FMNL2: variants seen among roughly 807,000 people sequenced by gnomAD.
The protein encoded by FMNL2 is formin like 2.
In FMNL2, 51 loss-of-function variants were observed where a neutral mutation model predicts 130.2. The observed-to-expected ratio is 0.39, with a 90% CI of 0.31 to 0.49. FMNL2 has a LOEUF of 0.49. FMNL2 is among the 20% of genes least tolerant of loss of function. The pLI, the probability that FMNL2 is intolerant of heterozygous loss-of-function variation, is 0.85. For synonymous variants in FMNL2, 465 were observed against 467.1 expected, an observed-to-expected ratio of 1.00 and a Z score of 0.06; for missense variants, 977 against 1,316.2, an observed-to-expected ratio of 0.74 and a Z score of 3.99.
chr2:152,602,297 GC>G (rs766046454), intron 9 of FMNL2, among the ~76,000 whole-genome samples: 11 of 152,164 alleles, frequency 7.2e-5, no homozygotes, highest in Non-Finnish European at 1.5e-4. Context: ...TTATTCACTT[GC>G]AGCCGGTTTA....
chr2:152,592,140 A>G (rs972936412), intron 9 of FMNL2, among the ~76,000 whole-genome samples: 3 of 152,202 alleles, frequency 2.0e-5, no homozygotes, highest in Non-Finnish European at 2.9e-5. Flanking sequence ...TCCGTGCCAC[A>G]GAAGTTTGTA....
intron 1 of FMNL2, among the ~76,000 whole-genome samples, chr2:152,376,844 A>G (rs1684203267): frequency 6.6e-6 from 1 of 152,314 alleles, no homozygotes; most frequent in South Asian, 2.1e-4. Context: ...TTTGGTTAGG[A>G]CACCAGTTAG....
At chr2:152,598,051 G>T (rs10169491) in intron 9 of FMNL2, among the ~76,000 whole-genome samples, 2 of 152,214 alleles carry the variant, frequency 1.3e-5, no homozygotes, top group Non-Finnish European at 2.9e-5. Context: ...GGCACACCAT[G>T]CACTGATTAG....
At chr2:152,388,507 C>A (rs760757659) in intron 1 of FMNL2, among the ~76,000 whole-genome samples, 11 of 152,102 alleles carry the variant, frequency 7.2e-5, no homozygotes, top group Non-Finnish European at 1.5e-4. Context: ...AGCCTAACTA[C>A]CCCCGTGATT....
At chr2:152,479,741 T>A (rs946567520) in intron 1 of FMNL2, among the ~76,000 whole-genome samples, 22 of 95,382 alleles carry the variant, frequency 2.3e-4, no homozygotes, top group South Asian at 7.3e-4. Flanking sequence ...TTTTTTTTTT[T>A]ACTCTGTCAT....
chr2:152,337,011 A>G (rs1416482749), intron 1 of FMNL2, among the ~76,000 whole-genome samples: 2 of 152,128 alleles, frequency 1.3e-5, no homozygotes, highest in Non-Finnish European at 2.9e-5. Flanking sequence ...GGCCTTGAAA[A>G]AGGAATGGTT....
chr2:152,432,070 G>A (rs1398970587), intron 1 of FMNL2, among the ~76,000 whole-genome samples: 1 of 150,366 alleles, frequency 6.7e-6, no homozygotes, highest in African/African-American at 2.5e-5. Flanking sequence ...GTGTGTATGT[G>A]TATATACACA....
At position 152,607,326 on chromosome 2, in the gene FMNL2, A is replaced by T; in HGVS notation, c.877-13A>T. 6.2e-7 allele frequency: 1 copy of T among 1,612,000 alleles called. No individual in the cohort carries two copies. Among genetic ancestry groups the T allele is most frequent in the Non-Finnish European group, 8.5e-7 (1 of 1,178,426 alleles). On this transcript the variant is annotated splice_polypyrimidine_tract_variant and intron_variant, in intron 9 of 25. Coordinates refer to ENST00000288670, the MANE Select transcript of FMNL2 (RefSeq NM_052905.4). ...TTAGAAAGTCACATGCACAATGAAA[A>T]TGTGTGTTTCAGGTTTGTGGAGAAA...
chr2:152,415,306 G>T (rs1686549416), intron 1 of FMNL2, among the ~76,000 whole-genome samples: 1 of 152,198 alleles, frequency 6.6e-6, no homozygotes, highest in African/African-American at 2.4e-5. Context: ...GCTTGGATTT[G>T]TCAAGACCTC....
At chr2:152,422,660 C>T (rs1319759662) in intron 1 of FMNL2, among the ~76,000 whole-genome samples, 1 of 152,126 alleles carries the variant, frequency 6.6e-6, no homozygotes, top group Non-Finnish European at 1.5e-5. Flanking sequence ...TCCCCAGGAG[C>T]TGGGACTACA....
chr2:152,566,095 A>T (rs1433630904), intron 6 of FMNL2, among the ~76,000 whole-genome samples: 1 of 152,190 alleles, frequency 6.6e-6, no homozygotes, highest in East Asian at 1.9e-4. Flanking sequence ...AATTACTTTA[A>T]TGGAATGGCA....
intron 1 of FMNL2, among the ~76,000 whole-genome samples, chr2:152,368,855 G>C (rs535162962): frequency 6.6e-6 from 1 of 152,234 alleles, no homozygotes; most frequent in South Asian, 2.1e-4. Context: ...CCTGACTTTT[G>C]AAGGTCAGAC....
intron 9 of FMNL2, among the ~76,000 whole-genome samples, chr2:152,586,966 G>C (rs557778738): frequency 2.2e-4 from 34 of 152,238 alleles, no homozygotes; most frequent in South Asian, 2.1e-4. Flanking sequence ...AGACCTGATT[G>C]ACTGGGGATG....
intron 8 of FMNL2, 106 bp from the exon 9 acceptor site, chr2:152,580,850 A>C (rs1251913819): frequency 4.7e-6 from 5 of 1,057,830 alleles, no homozygotes; most frequent in Non-Finnish European, 2.8e-6. Flanking sequence ...ATTTTTTAAA[A>C]ATGTAAGGGC....
chr2:152,563,627 C>T (rs547807184), intron 6 of FMNL2, among the ~76,000 whole-genome samples: 2 of 150,940 alleles, frequency 1.3e-5, no homozygotes, highest in South Asian at 4.2e-4. Context: ...TTTTTCTTTT[C>T]CTCCTTCTCT....
intron 1 of FMNL2, chr2:152,389,880 G>A (rs1685004420): frequency 9.8e-7 from 1 of 1,019,142 alleles, no homozygotes; most frequent in East Asian, 2.5e-5. Flanking sequence ...TGGCACAGAA[G>A]GCCCGGTGGG....
intron 1 of FMNL2, among the ~76,000 whole-genome samples, chr2:152,343,718 A>G (rs1681946736): frequency 6.6e-6 from 1 of 152,154 alleles, no homozygotes; most frequent in Non-Finnish European, 1.5e-5. Flanking sequence ...TTGCTCAGGA[A>G]CCTGACTTCC....
At chr2:152,424,425 C>G (rs1687077163) in intron 1 of FMNL2, among the ~76,000 whole-genome samples, 2 of 141,004 alleles carry the variant, frequency 1.4e-5, no homozygotes, top group South Asian at 4.5e-4. Context: ...TAGTCTCATT[C>G]TGTCACCCAG....
intron 15 of FMNL2, chr2:152,621,059 A>T (rs1699223621): frequency 4.1e-6 from 4 of 985,392 alleles, no homozygotes; most frequent in Non-Finnish European, 4.8e-6. Context: ...CCTCATATCA[A>T]GCCCCGGGAA....
Sources: gnomAD v4.1 joint callset for allele counts (sites outside exome capture counted in the v4.1 genomes callset) on GRCh38, gnomAD v4.1.1 for gene constraint, MANE v1.5 for transcripts, NCBI Gene and HGNC (gene_info 2026-07-23, HGNC 2026-07-21) for gene names.